Variants in CC2D2A observed in about 807,000 individuals in gnomAD.
CC2D2A encodes the protein coiled-coil and C2 domain containing 2A, also known as coiled-coil and C2 domain-containing protein 2A.
A neutral mutation model predicts 212.9 loss-of-function variants in CC2D2A; 155 were observed. The ratio of observed to expected loss-of-function variants is 0.73; its 90% CI spans 0.64 to 0.83. CC2D2A has a LOEUF of 0.83. Ranked by LOEUF, CC2D2A falls within the 40% of genes least tolerant of loss-of-function variation. CC2D2A has a pLI of 0.00. For synonymous variants in CC2D2A, 667 were observed against 686.5 expected, an observed-to-expected ratio of 0.97 and a Z score of 0.44; for missense variants, 1,856 against 1,956.2, an observed-to-expected ratio of 0.95 and a Z score of 0.97.
rs577082712 is a variant in CC2D2A at position 15,490,086 on chromosome 4, G to A, written c.247+9259G>A. Among the ~76,000 whole-genome samples the A allele has an allele frequency of 4.6e-5, 7 of 152,196 alleles. No homozygotes were observed. In the South Asian group the frequency reaches 6.2e-4, roughly 14 times the overall value. On this transcript the variant is annotated intron_variant, in intron 4 of 36. Coordinates refer to ENST00000424120, the MANE Select transcript of CC2D2A (RefSeq NM_001378615.1). The stretch of plus-strand genomic sequence containing the variant: ...CTTCTTCCAGACTAAATATGCAACC[G>A]CGTACTCAACATCCACTTTTGCACA...
intron 27 of CC2D2A, 90 bp from the exon 28 acceptor site, chr4:15,570,308 A>C: frequency 1.4e-6 from 1 of 726,790 alleles, no homozygotes; most frequent in South Asian, 1.9e-5. Context: ...ATATGCTTTC[A>C]GCTAAAATCT....
intron 19 of CC2D2A, among the ~76,000 whole-genome samples, chr4:15,553,891 A>ATG (rs1226729810): frequency 6.6e-6 from 1 of 152,138 alleles, no homozygotes; most frequent in East Asian, 1.9e-4. Context: ...TCCCCAGTAG[A>ATG]TGTGTCTACA....
intron 6 of CC2D2A, among the ~76,000 whole-genome samples, chr4:15,504,930 G>T (rs1000425741): frequency 6.6e-6 from 1 of 152,152 alleles, no homozygotes; most frequent in African/African-American, 2.4e-5. Context: ...CTGAACTTCA[G>T]CTGACCAGGG....
At chr4:15,517,118 T>A (rs1230441724) in intron 11 of CC2D2A, among the ~76,000 whole-genome samples, 11 of 152,004 alleles carry the variant, frequency 7.2e-5, no homozygotes, top group Non-Finnish European at 1.5e-5. Flanking sequence ...CGGCTAATTT[T>A]TTGTATTTTT....
At chr4:15,568,852 A>G (rs1159239756) in intron 26 of CC2D2A, among the ~76,000 whole-genome samples, 1 of 152,192 alleles carries the variant, frequency 6.6e-6, no homozygotes, top group Non-Finnish European at 1.5e-5. Flanking sequence ...AGGGACCATT[A>G]GACCAACCAG....
chr4:15,570,146 CTGATT>C (rs1720090605), intron 27 of CC2D2A, among the ~76,000 whole-genome samples: 1 of 152,154 alleles, frequency 6.6e-6, no homozygotes, highest in African/African-American at 2.4e-5. Flanking sequence ...CGCACATTGT[CTGATT>C]TAATTCTAAA....
intron 26 of CC2D2A, 32 bp downstream of exon 26, chr4:15,567,818 G>A (rs1347443522): frequency 2.8e-6 from 4 of 1,442,206 alleles, no homozygotes; most frequent in Non-Finnish European, 3.8e-6. Flanking sequence ...AAGAACTATA[G>A]GACATTTTGA....
In CC2D2A at chr4:15,510,218, GA is replaced by G. The variant is rs1338343514; in HGVS notation, c.523del (p.Ile175SerfsTer83). ...AGAGTCAAGTTCCATGATTCTGCAC[GA>G]AAAATCAAGCCTAAACCCCAGGTGA... is the stretch of plus-strand genomic sequence containing the variant. Reference protein sequence around the residue: ...YSRVKFHDSARKIKPKPQVPP... With the variant: ...YSRVKFHDSAXKIKPKPQVPP... On this transcript the variant is annotated frameshift_variant, in exon 7 of 37. Transcript: ENST00000424120. LOFTEE classifies it high-confidence loss of function. 1.2e-6 allele frequency: 2 copies of G among 1,610,498 alleles called. No homozygotes were observed. The highest frequency in any genetic ancestry group is 1.7e-6 in the Non-Finnish European group (2 of 1,179,010).
At chr4:15,590,874 T>G (rs1472463741) in intron 33 of CC2D2A, among the ~76,000 whole-genome samples, 1 of 152,110 alleles carries the variant, frequency 6.6e-6, no homozygotes, top group Non-Finnish European at 1.5e-5. Context: ...GTAGCTGGGA[T>G]CACAGGCACG....
intron 1 of CC2D2A, among the ~76,000 whole-genome samples, chr4:15,472,244 T>C (rs1323692084): frequency 6.6e-6 from 1 of 152,228 alleles, no homozygotes; most frequent in African/African-American, 2.4e-5. Flanking sequence ...AGTTTACTCA[T>C]ACGCAAATTG....
In CC2D2A at chr4:15,508,455, A is replaced by G. The variant is rs184329415; in HGVS notation, c.439-1684A>G. ...AAAAGACATGTAAGAAAAAGCTAGT[A>G]ATATGATAATAATGGCTACCATTAA... On this transcript the variant is annotated intron_variant, in intron 6 of 36. Coordinates refer to ENST00000424120, the MANE Select transcript of CC2D2A (RefSeq NM_001378615.1). Among the ~76,000 whole-genome samples, 35 of 152,340 alleles carry G rather than the reference A, an allele frequency of 2.3e-4. No individual in the cohort carries two copies. In the East Asian group the frequency reaches 6.6e-3, roughly 29 times the overall value.
intron 28 of CC2D2A, among the ~76,000 whole-genome samples, chr4:15,573,266 T>G (rs1413322303): frequency 6.6e-6 from 1 of 152,198 alleles, no homozygotes; most frequent in African/African-American, 2.4e-5. Context: ...GCTCGGTTAT[T>G]TCAGCTGTAC....
At chr4:15,598,057 G>C (rs756004442) in intron 35 of CC2D2A, among the ~76,000 whole-genome samples, 1 of 152,094 alleles carries the variant, frequency 6.6e-6, no homozygotes, top group Non-Finnish European at 1.5e-5. Context: ...ATTATTACTA[G>C]AAAATATCGG....
In CC2D2A at chr4:15,560,673, A is replaced by G. The variant is rs1719541446; in HGVS notation, c.3014+51A>G. 3.9e-6 allele frequency: 3 copies of G among 765,008 alleles called. No homozygotes were observed. The African/African-American group carries it at 5.4e-5, about 14-fold the overall frequency. 47.4% of individuals were successfully genotyped at this position (765,008 alleles called of 1,614,324 possible). A position where few individuals can be genotyped will look rare whatever the true frequency, so the allele number is the denominator to read the frequency against. ...TCAATTCTTATAAAAATTATTATTT[A>G]TACTCTATTATATGAAAGGTATCAT... is the stretch of plus-strand genomic sequence containing the variant. On this transcript the variant is annotated intron_variant, in intron 23 of 36. Transcript: ENST00000424120.
intron 28 of CC2D2A, among the ~76,000 whole-genome samples, chr4:15,573,005 C>T (rs1720237594): frequency 6.6e-6 from 1 of 152,162 alleles, no homozygotes; most frequent in Non-Finnish European, 1.5e-5. Flanking sequence ...CATTCTTCTG[C>T]CTGCTCTTCT....
intron 1 of CC2D2A, chr4:15,473,091 T>C (rs1713945896): frequency 6.6e-6 from 1 of 152,218 alleles, no homozygotes; most frequent in Non-Finnish European, 1.5e-5. Context: ...AATGTGGCTA[T>C]GGAACCACAG....
intron 6 of CC2D2A, among the ~76,000 whole-genome samples, chr4:15,508,375 T>C (rs7664843): frequency 0.081 from 12,386 of 152,222 alleles, 708 homozygotes; most frequent in East Asian, 0.35. Context: ...TGGTTTCCCA[T>C]GGGCTAAACT....
intron 6 of CC2D2A, among the ~76,000 whole-genome samples, chr4:15,509,299 A>T (rs1716429091): frequency 6.9e-6 from 1 of 144,772 alleles, no homozygotes; most frequent in Non-Finnish European, 1.5e-5. Context: ...TTTGAGATGG[A>T]GTCTTGCTCT....
rs550184422 is a variant in CC2D2A at position 15,484,523 on chromosome 4, C to T, written c.247+3696C>T. On this transcript the variant is annotated intron_variant, in intron 4 of 36. Transcript: ENST00000424120. The stretch of plus-strand genomic sequence containing the variant: ...CAGAAGCACAGAGACCAGGTAGAGG[C>T]CAACAGCAAAAATCCAGGTGGGAGT... 4.6e-5 allele frequency among the ~76,000 whole-genome samples: 7 copies of T among 152,026 alleles called. No homozygotes were observed. In the South Asian group the frequency reaches 1.0e-3, roughly 23 times the overall value.
Sources: gnomAD v4.1 joint callset for allele counts (sites outside exome capture counted in the v4.1 genomes callset) on GRCh38, gnomAD v4.1.1 for gene constraint, MANE v1.5 for transcripts, NCBI Gene and HGNC (gene_info 2026-07-23, HGNC 2026-07-21) for gene names.